The following ABCA9 variants were observed in gnomAD, a reference collection of about 807,000 sequenced individuals.
ABCA9 encodes ATP binding cassette subfamily A member 9, also known as ATP-binding cassette sub-family A member 9.
ABCA9 carries 183 observed loss-of-function variants against 205.3 expected under a neutral mutation model. The ratio of observed to expected loss-of-function variants is 0.89; its 90% CI spans 0.79 to 1.01. The LOEUF is 1.01. ABCA9 is among the 50% of genes least tolerant of loss of function. The probability of loss-of-function intolerance (pLI) is 0.00; values close to 1 mark genes in which losing one functional copy is unlikely to be tolerated. For missense variants in ABCA9, 1,805 were observed against 1,912.4 expected, an observed-to-expected ratio of 0.94 and a Z score of 1.05; for synonymous variants, 651 against 683.3, an observed-to-expected ratio of 0.95 and a Z score of 0.74.
At chr17:69,060,768 C>A (rs752285540) in intron 1 of ABCA9, 98 bp downstream of exon 1, 23 of 802,644 alleles carry the variant, frequency 2.9e-5, no homozygotes, top group South Asian at 1.1e-4. Flanking sequence ...TAACTTACTG[C>A]TTTTAATGGT....
At chr17:68,978,571 T>C (rs1158464121) in intron 37 of ABCA9, among the ~76,000 whole-genome samples, 1 of 152,208 alleles carries the variant, frequency 6.6e-6, no homozygotes, top group Admixed American at 6.5e-5. Context: ...CTCAATGGTC[T>C]TTACAATTAG....
the ABCA9 span, chr17:69,078,957 T>C: frequency 1.3e-6 from 2 of 1,539,870 alleles, no homozygotes; most frequent in African/African-American, 2.8e-5. Context: ...AACAAAAAAT[T>C]ACTAGGTTTG....
the ABCA9 span, among the ~76,000 whole-genome samples, chr17:69,073,258 C>A: frequency 1.3e-5 from 2 of 152,160 alleles, no homozygotes; most frequent in South Asian, 4.1e-4. Context: ...ATCTAATAGA[C>A]ATCTACAGAA....
intron 22 of ABCA9, among the ~76,000 whole-genome samples, 147 bp downstream of exon 22, chr17:69,016,100 GTGTATA>G (rs1267841003): frequency 1.8e-4 from 13 of 71,338 alleles, no homozygotes; most frequent in African/African-American, 2.6e-4. Context: ...ATATGTGTGT[GTGTATA>G]TATATATATA....
chr17:69,069,246 G>C, the ABCA9 span, among the ~76,000 whole-genome samples: 1 of 152,164 alleles, frequency 6.6e-6, no homozygotes, highest in African/African-American at 2.4e-5. Context: ...TCACAGCCAA[G>C]ATCAGCTTAC....
rs115371224 is a variant in ABCA9 at position 69,043,458 on chromosome 17, C to T, written c.800+31G>A. ...AGCTAAGTTGTTCTGTTTGTTTATG[C>T]TGTATAATGGATTGGAGTCATATGA... On this transcript the variant is annotated intron_variant, in intron 6 of 38. Coordinates refer to ENST00000340001, the MANE Select transcript of ABCA9 (RefSeq NM_080283.4). The T allele has an allele frequency of 3.5e-3, 5,285 of 1,495,724 alleles. 134 individuals are homozygous for T. In the African/African-American group the frequency reaches 0.063, roughly 18 times the overall value. 92.7% of individuals were successfully genotyped at this position (1,495,724 alleles called of 1,614,324 possible).
intron 31 of ABCA9, among the ~76,000 whole-genome samples, chr17:68,987,742 TTTTGTTTGTTTG>T (rs72186562): frequency 1.5e-5 from 2 of 135,846 alleles, no homozygotes; most frequent in Non-Finnish European, 3.2e-5. Context: ...TTGCGTTTTT[TTTTGTTTGTTTG>T]TTTGTTTGTT....
chr17:69,054,394 G>T (rs529268119), intron 1 of ABCA9, among the ~76,000 whole-genome samples: 2 of 151,764 alleles, frequency 1.3e-5, no homozygotes, highest in South Asian at 4.2e-4. Context: ...AGGCATGATG[G>T]CTTATGCCTG....
Position 69,051,088 on chromosome 17 carries a change from C to T in ABCA9, c.39G>A (p.Trp13Ter), listed in dbSNP as rs904866063. The T allele has an allele frequency of 6.2e-7, 1 of 1,613,684 alleles. No individual in the cohort carries two copies. ...TGAGACAGTTCTTGCAGAGAAGAGCCCATGTTTGCTGACCCACGCTCATGC... is the reference window on the plus strand; with the variant it reads ...TGAGACAGTTCTTGCAGAGAAGAGCTCATGTTTGCTGACCCACGCTCATGC... ...KRRMSVGQQTWALLCKNCLKK... is the reference protein window; with the variant it reads ...KRRMSVGQQT Residue 13 changes from tryptophan to a stop codon, truncating the protein, a stop_gained, in exon 2 of 39, where the codon TGG becomes TGA. Transcript: ENST00000340001. LOFTEE classifies it high-confidence loss of function.
At position 69,007,863 on chromosome 17, in the gene ABCA9, T is replaced by C. The variant is rs1430074888; in HGVS notation, c.3331A>G (p.Ser1111Gly). Residue 1111 changes from serine (S) to glycine (G), a missense_variant, in exon 25 of 39, where the codon AGT becomes GGT. Physicochemically the swap from Ser to Gly is moderately conservative, Grantham distance 56. Transcript: ENST00000340001. ...ACAAGAGATGAGACATAGCCAATAC[T>C]ACACAGGATCTGAAAACAGAAATGT... ...IQNLLIQILC[S>G]IGYVSSLVFL... 21 of 1,593,830 alleles carry C rather than the reference T, an allele frequency of 1.3e-5. No homozygotes were observed. Among genetic ancestry groups the C allele is most frequent in the Non-Finnish European group, 1.7e-5 (20 of 1,163,598 alleles).
At chr17:69,053,606 C>T (rs898155548) in intron 1 of ABCA9, among the ~76,000 whole-genome samples, 1 of 151,866 alleles carries the variant, frequency 6.6e-6, no homozygotes, top group Non-Finnish European at 1.5e-5. Context: ...AGACTACACA[C>T]AGCTGAGAAA....
intron 3 of ABCA9, 135 bp downstream of exon 3, chr17:69,049,148 T>A: frequency 1.0e-6 from 1 of 992,682 alleles, no homozygotes; most frequent in Admixed American, 3.2e-5. Flanking sequence ...TTTTGAGACT[T>A]GGAAGGAATA....
intron 10 of ABCA9, 69 bp from the exon 11 acceptor site, chr17:69,029,296 TGAGGCTTAATCAAA>T: frequency 1.0e-6 from 1 of 952,954 alleles, no homozygotes; most frequent in Non-Finnish European, 1.6e-6. Context: ...GTCAAGTCTT[TGAGGCTTAATCAAA>T]GCCTCAAAGA....
upstream of ABCA9, among the ~76,000 whole-genome samples, chr17:69,062,124 T>C (rs2072271497): frequency 6.6e-6 from 1 of 150,864 alleles, no homozygotes; most frequent in African/African-American, 2.4e-5. Context: ...CCTGAATCCA[T>C]GAGACTGTCA....
At chr17:69,032,041 T>C (rs2144366513) in intron 10 of ABCA9, 67 bp downstream of exon 10, 1 of 1,468,014 alleles carries the variant, frequency 6.8e-7, no homozygotes, top group Non-Finnish European at 9.3e-7. Context: ...GCTCCTAGTG[T>C]GTCACCTGAC....
intron 29 of ABCA9, among the ~76,000 whole-genome samples, chr17:68,990,439 T>TAG (rs2069410172): frequency 1.3e-5 from 2 of 152,244 alleles, no homozygotes; most frequent in South Asian, 4.1e-4. Flanking sequence ...TAGGGTGCAA[T>TAG]GGTGCAAGTA....
At chr17:68,997,033 C>G (rs1347329646) in intron 25 of ABCA9, among the ~76,000 whole-genome samples, 1 of 152,228 alleles carries the variant, frequency 6.6e-6, no homozygotes, top group Non-Finnish European at 1.5e-5. Context: ...CAGGTTCAAG[C>G]GATTCTCCTG....
At chr17:69,007,220 G>A (rs1415905944) in intron 25 of ABCA9, among the ~76,000 whole-genome samples, 2 of 152,136 alleles carry the variant, frequency 1.3e-5, no homozygotes, top group Admixed American at 6.5e-5. Context: ...GGCCAATATG[G>A]TGAAACCCCG....
At chr17:69,071,428 C>T in the ABCA9 span, among the ~76,000 whole-genome samples, 17 of 152,232 alleles carry the variant, frequency 1.1e-4, 1 homozygote, top group South Asian at 2.1e-3. Context: ...CTGCAGCCTC[C>T]GCCAGTGAGA....
Sources: allele counts gnomAD v4.1 joint callset (sites outside exome capture counted in the v4.1 genomes callset), GRCh38; gene constraint gnomAD v4.1.1; transcripts MANE v1.5; gene names NCBI Gene and HGNC (gene_info 2026-07-23, HGNC 2026-07-21).